Variants in MMRN2 observed in about 807,000 individuals in gnomAD.
The protein encoded by MMRN2 is multimerin 2.
MMRN2 carries 53 observed loss-of-function variants against 68.8 expected under a neutral mutation model. The observed-to-expected ratio is 0.77, with a 90% confidence interval of 0.62 to 0.97. MMRN2 has a LOEUF of 0.97. MMRN2 is among the 50% of genes least tolerant of loss of function. The pLI is 0.00. For missense variants in MMRN2, 1,266 were observed against 1,259.5 expected, an observed-to-expected ratio of 1.01 and a Z score of -0.08; for synonymous variants, 564 against 551.6, an observed-to-expected ratio of 1.02 and a Z score of -0.32.
Position 86,944,119 on chromosome 10 carries a change from T to C in MMRN2, c.665A>G (p.Asp222Gly), listed in dbSNP as rs532518866. Residue 222 changes from aspartate to glycine, a missense_variant, in exon 6 of 7, where the codon GAT (aspartate) becomes GGT (glycine). Transcript: ENST00000372027. ...EANQTGHEFP[D>G]RSLEQVLLPH... is the part of the protein sequence containing the mutation. ...TAGCAGCACCTGCTCCAAGGATCTA[T>C]CAGGGAACTCTGCAACAGACATGTG... The C allele has an allele frequency of 6.2e-7, 1 of 1,613,194 alleles. No individual in the cohort carries two copies. Among genetic ancestry groups the C allele is most frequent in the East Asian group, 2.2e-5 (1 of 44,880 alleles).
chr10:86,942,220 G>A, intron 6 of MMRN2, 97 bp downstream of exon 6: 1 of 1,420,090 alleles, frequency 7.0e-7, no homozygotes, highest in Non-Finnish European at 9.4e-7. Context: ...TGGCCATCCT[G>A]TTCTCTTTCT....
At chr10:86,945,843 C>A (rs1193649917) in intron 1 of MMRN2, 154 bp from the exon 2 acceptor site, 1 of 1,459,204 alleles carries the variant, frequency 6.9e-7, no homozygotes. Flanking sequence ...TTATTCATCC[C>A]TGGGCTCCAG....
chr10:86,957,476 G>A lies in MMRN2; in HGVS notation c.66C>T (p.Ala22=). ...CAGAGAGGCTAGTACTGGAAGCCTGGGCCCATGCCCCCAGCAGCCCCCAGC... is the reference window on the plus strand; with the variant it reads ...CAGAGAGGCTAGTACTGGAAGCCTGAGCCCATGCCCCCAGCAGCCCCCAGC... ...PLGWGLLGAW[A]QASSTSLSDL... Residue 22 remains alanine (A), a synonymous_variant, in exon 1 of 7, where the codon GCC becomes GCT. Transcript: ENST00000372027. 6.2e-7 allele frequency: 1 copy of A among 1,613,376 alleles called. No individual in the cohort carries two copies. The highest frequency in any genetic ancestry group is 2.2e-5 in the East Asian group (1 of 44,878).
At chr10:86,956,580 ACT>A (rs1485737610) in intron 1 of MMRN2, among the ~76,000 whole-genome samples, 1 of 152,172 alleles carries the variant, frequency 6.6e-6, no homozygotes, top group Non-Finnish European at 1.5e-5. Flanking sequence ...CTGAAGTCAA[ACT>A]CAGATCCTGC....
intron 6 of MMRN2, among the ~76,000 whole-genome samples, chr10:86,941,057 T>C (rs1843957900): frequency 6.6e-6 from 1 of 152,230 alleles, no homozygotes; most frequent in African/African-American, 2.4e-5. Context: ...AGCAGGAAAC[T>C]TGTGTTTGCG....
rs1220688816 is a variant in MMRN2, at chr10:86,957,550, T to G, written c.-9A>C. ...AGCAAGCTCAGGATCATCTTGGTGG[T>G]GGGGCAGGCTCAGCTCACACTCAGC... On this transcript the variant is annotated 5_prime_UTR_variant, in exon 1 of 7. Coordinates refer to ENST00000372027, the MANE Select transcript of MMRN2 (RefSeq NM_024756.3). 3.7e-6 allele frequency: 6 copies of G among 1,602,624 alleles called. No individual in the cohort carries two copies. The highest frequency in any genetic ancestry group is 5.1e-6 in the Non-Finnish European group (6 of 1,175,040).
At chr10:86,956,061 G>A (rs1301832385) in intron 1 of MMRN2, among the ~76,000 whole-genome samples, 1 of 152,100 alleles carries the variant, frequency 6.6e-6, no homozygotes, top group East Asian at 1.9e-4. Context: ...TCAAAAGGCG[G>A]AAGGTGGCCT....
intron 1 of MMRN2, among the ~76,000 whole-genome samples, chr10:86,952,403 G>C (rs546886524): frequency 2.2e-4 from 34 of 152,296 alleles, no homozygotes; most frequent in Middle Eastern, 3.4e-3. Context: ...TCAGTATTGG[G>C]GGAACCCACT....
chr10:86,945,053 G>T, intron 4 of MMRN2, 135 bp downstream of exon 4: 1 of 743,810 alleles, frequency 1.3e-6, no homozygotes, highest in Non-Finnish European at 2.2e-6. Flanking sequence ...GGTGGTACAG[G>T]CCACAGAGCA....
At chr10:86,945,894 G>A in intron 1 of MMRN2, 3 of 1,385,006 alleles carry the variant, frequency 2.2e-6, no homozygotes, top group Non-Finnish European at 2.8e-6. Flanking sequence ...GAGGGCACCT[G>A]CTCCACCACC....
At chr10:86,945,716 T>C in intron 1 of MMRN2, 27 bp from the exon 2 acceptor site, 2 of 1,613,518 alleles carry the variant, frequency 1.2e-6, no homozygotes, top group Admixed American at 1.7e-5. Flanking sequence ...AGGAGAAGGC[T>C]GCTGAGCCAC....
In MMRN2 at chr10:86,936,595, G is replaced by T. The variant is rs1328894127; in HGVS notation, c.*148C>A. 3.2e-6 allele frequency: 3 copies of T among 932,986 alleles called. No homozygotes were observed. Among genetic ancestry groups the T allele is most frequent in the African/African-American group, 3.3e-5 (2 of 60,782 alleles). 57.8% of individuals were successfully genotyped at this position (932,986 alleles called of 1,614,324 possible). On this transcript the variant is annotated 3_prime_UTR_variant, in exon 7 of 7. Transcript: ENST00000372027. Reference sequence around the variant, plus strand: ...ATGGCCAAGCCCCATGTGGTTACAGGGAAGCCACGTACACCACACCATCTT... The same window carrying T: ...ATGGCCAAGCCCCATGTGGTTACAGTGAAGCCACGTACACCACACCATCTT...
At chr10:86,953,558 G>A (rs1844172690) in intron 1 of MMRN2, among the ~76,000 whole-genome samples, 3 of 152,314 alleles carry the variant, frequency 2.0e-5, no homozygotes, top group South Asian at 2.1e-4. Flanking sequence ...TGGGAGGAGA[G>A]GGTACTTTCC....
chr10:86,957,161 C>G (rs1844247993), intron 1 of MMRN2, among the ~76,000 whole-genome samples: 1 of 152,260 alleles, frequency 6.6e-6, no homozygotes, highest in Admixed American at 6.5e-5. Context: ...GCCCCATTCC[C>G]TGCCATGGCT....
At chr10:86,939,678 C>CG (rs971830277) in intron 6 of MMRN2, among the ~76,000 whole-genome samples, 4 of 150,230 alleles carry the variant, frequency 2.7e-5, no homozygotes, top group African/African-American at 7.3e-5. Flanking sequence ...GACCCCCACC[C>CG]CAACCCAGCC....
rs1844028907 is a variant in MMRN2 at position 86,944,084 on chromosome 10, C to G, written c.700G>C (p.Asp234His). ...SLEQVLLPHV[D>H]TFLQVHFSPI... ...CTGAAATGCACTTGTAGGAAGGTGT[C>G]CACGTGGGGTAGCAGCACCTGCTCC... The change falls in exon 6 of 7, where the codon GAC becomes CAC. Residue 234 changes from aspartate to histidine, a missense_variant. Coordinates refer to ENST00000372027, the MANE Select transcript of MMRN2 (RefSeq NM_024756.3). The G allele has an allele frequency of 1.9e-6, 3 of 1,614,094 alleles. No homozygotes were observed. The highest frequency in any genetic ancestry group is 2.5e-6 in the Non-Finnish European group (3 of 1,180,006).
chr10:86,947,582 AG>A (rs1844087287), intron 1 of MMRN2, among the ~76,000 whole-genome samples: 1 of 151,978 alleles, frequency 6.6e-6, no homozygotes, highest in Non-Finnish European at 1.5e-5. Context: ...TATGTTGGCC[AG>A]GCTGGTCTTA....
At position 86,935,959 on chromosome 10, in the gene MMRN2, A is replaced by T. The variant is rs1843871664; in HGVS notation, c.*784T>A. ...CAAGGCATCTTCACAAGGTGGCAGGAAGGAGAATGAACACAGGAGGAACTA... is the reference window on the plus strand; with the variant it reads ...CAAGGCATCTTCACAAGGTGGCAGGTAGGAGAATGAACACAGGAGGAACTA... On this transcript the variant is annotated 3_prime_UTR_variant, in exon 7 of 7. Coordinates refer to ENST00000372027, the MANE Select transcript of MMRN2 (RefSeq NM_024756.3). 6.5e-6 allele frequency: 1 copy of T among 152,810 alleles called. No individual in the cohort carries two copies. The highest frequency in any genetic ancestry group is 2.4e-5 in the African/African-American group (1 of 41,488). The allele number at this position is 152,810 out of a possible 1,614,324, so 9.5% of individuals were successfully genotyped here.
Position 86,943,536 on chromosome 10 carries a change from G to A in MMRN2, c.1248C>T (p.Tyr416=). The part of the protein sequence containing the change: ...TRHVDEIKEL[Y]SESDETFDQI... ...GATCGAAAGTCTCGTCCGATTCGGAGTACAGTTCCTTGATCTCATCCACGT... is the reference window on the plus strand; with the variant it reads ...GATCGAAAGTCTCGTCCGATTCGGAATACAGTTCCTTGATCTCATCCACGT... The change falls in exon 6 of 7, where the codon TAC becomes TAT. Residue 416 remains tyrosine, a synonymous_variant. Coordinates refer to ENST00000372027, the MANE Select transcript of MMRN2 (RefSeq NM_024756.3). This position sits in a 1 kb window ranked among gnomAD's most constrained non-coding sequence, Gnocchi z 4.2. The A allele has an allele frequency of 6.2e-7, 1 of 1,614,260 alleles. No homozygotes were observed. The highest frequency in any genetic ancestry group is 8.5e-7 in the Non-Finnish European group (1 of 1,180,046).
Sources: allele counts gnomAD v4.1 joint callset (sites outside exome capture counted in the v4.1 genomes callset), GRCh38; gene constraint gnomAD v4.1.1; non-coding constraint Gnocchi (gnomAD v3.1); transcripts MANE v1.5; gene names NCBI Gene and HGNC (gene_info 2026-07-23, HGNC 2026-07-21).